The following PTPRD variants were observed in gnomAD, a reference collection of about 807,000 sequenced individuals.
PTPRD encodes receptor-type tyrosine-protein phosphatase delta.
A neutral mutation model predicts 214.5 loss-of-function variants in PTPRD; 34 were observed. The observed-to-expected ratio is 0.16, with a 90% CI of 0.12 to 0.21. The LOEUF is 0.21. PTPRD is among the 10% of genes least tolerant of loss of function. PTPRD has a pLI of 1.00. For synonymous variants in PTPRD, 1,128 were observed against 845.7 expected (o/e 1.33, Z -5.79); for missense variants, 2,545 against 2,398.7 (o/e 1.06, Z -1.27).
In PTPRD at chr9:9,595,710, G is replaced by A. The variant is rs75885477; in HGVS notation, c.-286-20929C>T. The stretch of plus-strand genomic sequence containing the variant: ...ACACAGGAATGGAAAACCAAACATC[G>A]CATGTTCTCACTCATAAGTGGAAGC... On this transcript the variant is annotated intron_variant, in intron 7 of 45. Coordinates refer to ENST00000381196, the MANE Select transcript of PTPRD (RefSeq NM_002839.4). Among the ~76,000 whole-genome samples, 45 of 151,750 alleles carry A rather than the reference G, an allele frequency of 3.0e-4. 1 individual carries two copies. In the East Asian group the frequency reaches 8.6e-3, roughly 29 times the overall value.
chr9:10,577,875 TG>T, intron 2 of PTPRD, among the ~76,000 whole-genome samples: 1 of 151,602 alleles, frequency 6.6e-6, no homozygotes, highest in East Asian at 1.9e-4. Flanking sequence ...GGAACAAGAA[TG>T]AGTTAAACTA....
intron 2 of PTPRD, among the ~76,000 whole-genome samples, chr9:10,445,997 T>C (rs1588336665): frequency 6.6e-6 from 1 of 151,864 alleles, no homozygotes; most frequent in Admixed American, 6.6e-5. Flanking sequence ...AAGGGCCCAG[T>C]GGAGAGGGCA....
chr9:9,102,146 GAGATTTTATTTCATATGTTTTATA>G (rs2099792244), intron 10 of PTPRD, among the ~76,000 whole-genome samples: 1 of 152,124 alleles, frequency 6.6e-6, no homozygotes, highest in Admixed American at 6.6e-5. Context: ...ACAACAGCCA[GAGATTTTATTTCATATGTTTTATA>G]AATATGTAGG....
chr9:8,926,192 C>T (rs1005681500), intron 11 of PTPRD, among the ~76,000 whole-genome samples: 9 of 152,058 alleles, frequency 5.9e-5, no homozygotes, highest in Admixed American at 2.0e-4. Flanking sequence ...TTTTCATTTT[C>T]CTGCTGCCAA....
At chr9:8,716,448 C>G (rs2154411412) in intron 12 of PTPRD, among the ~76,000 whole-genome samples, 1 of 152,290 alleles carries the variant, frequency 6.6e-6, no homozygotes, top group East Asian at 1.9e-4. Context: ...ATGTTTGCTG[C>G]CAATTCTTAC....
chr9:9,900,463 A>G (rs976353730), intron 5 of PTPRD, among the ~76,000 whole-genome samples: 1 of 152,124 alleles, frequency 6.6e-6, no homozygotes, highest in Non-Finnish European at 1.5e-5. Flanking sequence ...TCTCATTTTT[A>G]TCTGAGTCTT....
At chr9:10,410,303 T>A (rs1282255962) in intron 2 of PTPRD, among the ~76,000 whole-genome samples, 1 of 134,318 alleles carries the variant, frequency 7.4e-6, no homozygotes, top group Non-Finnish European at 1.6e-5. Flanking sequence ...ATATATATAA[T>A]ATATATATAA....
chr9:8,501,062 T>G lies in PTPRD; in HGVS notation c.1823-3A>C, dbSNP rs748736631. 7 of 1,609,702 alleles carry G rather than the reference T, an allele frequency of 4.3e-6. No homozygotes were observed. The Admixed American group carries it at 6.7e-5, about 15-fold the overall frequency. ...GTCTTGAGGAGGAGCTGACGGCTCT[T>G]ATTTTGGTAGTGAGTTAAAGGAGGA... On this transcript the variant is annotated splice_polypyrimidine_tract_variant and splice_region_variant and intron_variant, in intron 23 of 45. Transcript: ENST00000381196.
chr9:9,707,361 CAA>C (rs1431146035), intron 7 of PTPRD, among the ~76,000 whole-genome samples: 1 of 152,154 alleles, frequency 6.6e-6, no homozygotes, highest in African/African-American at 2.4e-5. Flanking sequence ...TCGATTTACA[CAA>C]GATACAAATT....
intron 9 of PTPRD, among the ~76,000 whole-genome samples, chr9:9,222,573 C>T (rs1278822809): frequency 6.6e-6 from 1 of 152,040 alleles, no homozygotes; most frequent in East Asian, 1.9e-4. Context: ...CTACTTATAA[C>T]TGGCATTTAT....
At chr9:10,463,177 A>G (rs1194915442) in intron 2 of PTPRD, among the ~76,000 whole-genome samples, 4 of 152,026 alleles carry the variant, frequency 2.6e-5, no homozygotes, top group African/African-American at 9.7e-5. Context: ...TCATATGCTT[A>G]TATATTTCTG....
chr9:9,260,073 G>A (rs970357762), intron 9 of PTPRD, among the ~76,000 whole-genome samples: 1 of 151,938 alleles, frequency 6.6e-6, no homozygotes, highest in South Asian at 2.1e-4. Context: ...ACAAAAAACT[G>A]TTTTATGAGC....
intron 9 of PTPRD, among the ~76,000 whole-genome samples, chr9:9,201,650 A>G (rs1308434568): frequency 2.0e-5 from 3 of 152,198 alleles, no homozygotes; most frequent in African/African-American, 4.8e-5. Flanking sequence ...TATCTTACTG[A>G]TAAAAATAAT....
intron 4 of PTPRD, among the ~76,000 whole-genome samples, chr9:9,989,226 T>C (rs934865790): frequency 6.6e-6 from 1 of 151,906 alleles, no homozygotes; most frequent in Non-Finnish European, 1.5e-5. Context: ...TGGATGTGGG[T>C]CCCTGGCGAG....
Position 8,652,893 on chromosome 9 carries a change from T to C in PTPRD, c.65-16049A>G, listed in dbSNP as rs1245105332. 2.6e-5 allele frequency among the ~76,000 whole-genome samples: 4 copies of C among 152,320 alleles called. No homozygotes were observed. In the East Asian group the frequency reaches 7.7e-4, roughly 29 times the overall value. ...AATTAGAAAAGGGGTCTGCAGGTTA[T>C]TGTGAGATAAGCCTTTATTCCATAC... is the stretch of plus-strand genomic sequence containing the variant. On this transcript the variant is annotated intron_variant, in intron 12 of 45. Transcript: ENST00000381196.
chr9:9,131,112 G>C (rs1465718722), intron 10 of PTPRD, among the ~76,000 whole-genome samples: 2 of 152,130 alleles, frequency 1.3e-5, no homozygotes, highest in African/African-American at 4.8e-5. Context: ...GTTGAAGTTA[G>C]GAGTAAAAAG....
At chr9:9,947,037 A>T (rs1461892854) in intron 4 of PTPRD, among the ~76,000 whole-genome samples, 1 of 151,244 alleles carries the variant, frequency 6.6e-6, no homozygotes, top group Non-Finnish European at 1.5e-5. Flanking sequence ...AGAAAAATGA[A>T]GTTTTTATCC....
At chr9:9,655,329 G>T (rs2096482222) in intron 7 of PTPRD, among the ~76,000 whole-genome samples, 1 of 152,106 alleles carries the variant, frequency 6.6e-6, no homozygotes, top group Non-Finnish European at 1.5e-5. Flanking sequence ...CAACACTTCG[G>T]GAGGTCAAGG....
intron 9 of PTPRD, among the ~76,000 whole-genome samples, chr9:9,321,007 G>T (rs749339706): frequency 6.6e-6 from 1 of 152,124 alleles, no homozygotes; most frequent in Non-Finnish European, 1.5e-5. Flanking sequence ...ATATGGGTCA[G>T]TGAATGTTCA....
Sources: allele counts gnomAD v4.1 joint callset (sites outside exome capture counted in the v4.1 genomes callset), GRCh38; gene constraint gnomAD v4.1.1; transcripts MANE v1.5; gene names NCBI Gene and HGNC (gene_info 2026-07-23, HGNC 2026-07-21).